Variants in CTNNA2 observed in about 807,000 individuals in gnomAD.
CTNNA2 encodes the protein catenin alpha-2.
In CTNNA2, 42 loss-of-function variants were observed where a neutral mutation model predicts 101.0. The observed-to-expected ratio is 0.42, with a 90% CI of 0.32 to 0.54. The LOEUF (loss-of-function observed/expected upper bound fraction) is 0.54, where lower values mean the gene tolerates loss of function less well. Ranked by LOEUF, CTNNA2 falls within the 20% of genes least tolerant of loss-of-function variation. CTNNA2 has a pLI of 0.14. For missense variants in CTNNA2, 871 were observed against 1,223.1 expected (o/e 0.71, Z 4.29); for synonymous variants, 450 against 456.4 (o/e 0.99, Z 0.18).
chr2:80,639,513 ATGTGTGTGTGTG>A (rs112045877), intron 18 of CTNNA2, among the ~76,000 whole-genome samples: 65 of 147,408 alleles, frequency 4.4e-4, no homozygotes, highest in Non-Finnish European at 7.4e-4. Flanking sequence ...CCCAGCCTTG[ATGTGTGTGTGTG>A]TGTGTGTGTG....
chr2:79,415,171 C>T (rs958941800), intron 4 of CTNNA2, among the ~76,000 whole-genome samples: 2 of 152,052 alleles, frequency 1.3e-5, no homozygotes, highest in Non-Finnish European at 2.9e-5. Flanking sequence ...TCTTGCCATC[C>T]CTTTGGTTAT....
chr2:79,729,416 G>A (rs1218421692), intron 2 of CTNNA2, among the ~76,000 whole-genome samples: 1 of 152,042 alleles, frequency 6.6e-6, no homozygotes, highest in Non-Finnish European at 1.5e-5. Flanking sequence ...GTAAGAAATG[G>A]GAAGTTCCAA....
At chr2:80,041,623 T>C (rs1696062569) in intron 7 of CTNNA2, among the ~76,000 whole-genome samples, 2 of 152,174 alleles carry the variant, frequency 1.3e-5, no homozygotes, top group South Asian at 4.1e-4. Context: ...AATTGTGAAA[T>C]ATTTTTCAGT....
Position 80,562,241 on chromosome 2 carries a change from T to C in CTNNA2, c.1741+6348T>C, listed in dbSNP as rs142244206. Among the ~76,000 whole-genome samples the C allele has an allele frequency of 2.3e-4, 35 of 150,528 alleles. 2 individuals carry two copies. Among genetic ancestry groups the C allele is most frequent in the African/African-American group, 8.5e-4 (35 of 41,370 alleles). ...TACACTGGTGTGTTTGTGAATGATGTGTTCTCCCACAATTCAGACATGGTC... is the reference window on the plus strand; with the variant it reads ...TACACTGGTGTGTTTGTGAATGATGCGTTCTCCCACAATTCAGACATGGTC... On this transcript the variant is annotated intron_variant, in intron 12 of 18. Coordinates refer to ENST00000402739, the MANE Select transcript of CTNNA2 (RefSeq NM_001282597.3).
chr2:80,121,784 C>T (rs1701849917), intron 7 of CTNNA2, among the ~76,000 whole-genome samples: 1 of 152,048 alleles, frequency 6.6e-6, no homozygotes, highest in South Asian at 2.1e-4. Flanking sequence ...TGAATCAACC[C>T]CATAGAAGAT....
intron 3 of CTNNA2, among the ~76,000 whole-genome samples, chr2:79,840,423 G>A (rs1327060013): frequency 6.6e-6 from 1 of 152,116 alleles, no homozygotes; most frequent in Non-Finnish European, 1.5e-5. Flanking sequence ...TTTCAATCAT[G>A]CTAATTTCTT....
At chr2:79,493,171 A>G (rs1160722286) in intron 4 of CTNNA2, among the ~76,000 whole-genome samples, 1 of 152,058 alleles carries the variant, frequency 6.6e-6, no homozygotes, top group African/African-American at 2.4e-5. Flanking sequence ...GGAAATTCTA[A>G]CCAAGACAAA....
intron 1 of CTNNA2, among the ~76,000 whole-genome samples, chr2:79,596,344 C>T (rs13385634): frequency 0.016 from 2,483 of 151,922 alleles, 80 homozygotes; most frequent in East Asian, 0.098. Context: ...AAAAGGAGGG[C>T]ATCAAAGGAA....
At chr2:80,568,792 G>T (rs1411989814) in intron 12 of CTNNA2, among the ~76,000 whole-genome samples, 1 of 152,020 alleles carries the variant, frequency 6.6e-6, no homozygotes, top group African/African-American at 2.4e-5. Context: ...TGTTGCTGTG[G>T]GTCCATTTCA....
Position 80,462,616 on chromosome 2 carries a change from CTTCT to C in CTNNA2, c.1290+43030_1290+43033del, listed in dbSNP as rs200129200. Among the ~76,000 whole-genome samples, 98 of 121,424 alleles carry C rather than the reference CTTCT, an allele frequency of 8.1e-4. 3 individuals are homozygous for C. Among genetic ancestry groups the C allele is most frequent in the African/African-American group, 2.6e-3 (81 of 31,292 alleles). The allele number at this position is 121,424 out of a possible 152,430, so 79.7% of individuals were successfully genotyped here. A position where few individuals can be genotyped will look rare whatever the true frequency, so the allele number is the denominator to read the frequency against. ...TCTCATTTTTCTCTCCCTTCCTTTC[CTTCT>C]TTCTTTCTTTCTTTTTTTTTTTTTT... On this transcript the variant is annotated intron_variant, in intron 9 of 18. Coordinates refer to ENST00000402739, the MANE Select transcript of CTNNA2 (RefSeq NM_001282597.3).
chr2:80,297,522 C>G (rs1036391936), intron 7 of CTNNA2, among the ~76,000 whole-genome samples: 1 of 152,040 alleles, frequency 6.6e-6, no homozygotes, highest in African/African-American at 2.4e-5. Flanking sequence ...AATTGCCAGG[C>G]CCTTCACTTT....
chr2:79,795,527 TATTAA>T (rs540994190), intron 3 of CTNNA2, among the ~76,000 whole-genome samples: 428 of 152,206 alleles, frequency 2.8e-3, no homozygotes, highest in African/African-American at 9.3e-3. Context: ...AAATCAATTG[TATTAA>T]ATTAAATTTC....
At chr2:80,487,539 C>G (rs1190348899) in intron 9 of CTNNA2, among the ~76,000 whole-genome samples, 1 of 152,084 alleles carries the variant, frequency 6.6e-6, no homozygotes, top group African/African-American at 2.4e-5. Context: ...CCTTATAAAA[C>G]CATCAGTCCT....
At chr2:80,414,719 C>T (rs1822726) in intron 8 of CTNNA2, among the ~76,000 whole-genome samples, 152,155 of 152,318 alleles carry the variant, frequency 1, 75,996 homozygotes, top group East Asian at 1. Context: ...ACACAGGGTG[C>T]CTTAACATTT....
At chr2:80,525,041 C>A (rs1331181477) in intron 9 of CTNNA2, among the ~76,000 whole-genome samples, 1 of 151,814 alleles carries the variant, frequency 6.6e-6, no homozygotes, top group Non-Finnish European at 1.5e-5. Flanking sequence ...CATCACTGAG[C>A]AGTATACACT....
At chr2:79,565,698 C>T (rs1675069333) in intron 1 of CTNNA2, among the ~76,000 whole-genome samples, 1 of 152,000 alleles carries the variant, frequency 6.6e-6, no homozygotes, top group African/African-American at 2.4e-5. Context: ...TGAAGTCATA[C>T]AGGAGGAGAA....
chr2:80,547,756 C>T (rs1176173824), intron 11 of CTNNA2, among the ~76,000 whole-genome samples: 2 of 132,934 alleles, frequency 1.5e-5, no homozygotes, highest in African/African-American at 6.0e-5. Context: ...ATGGCGCGAT[C>T]TTGACTCATA....
intron 9 of CTNNA2, among the ~76,000 whole-genome samples, chr2:80,439,721 A>G (rs1682383766): frequency 6.6e-6 from 1 of 152,114 alleles, no homozygotes; most frequent in South Asian, 2.1e-4. Context: ...AGGTATTTTT[A>G]TACGTTTGTA....
At chr2:79,248,230 T>C (rs1438031661) in intron 2 of CTNNA2, among the ~76,000 whole-genome samples, 3 of 152,110 alleles carry the variant, frequency 2.0e-5, no homozygotes, top group Non-Finnish European at 4.4e-5. Flanking sequence ...TCTTGACCGG[T>C]GCTATTCATT....
Sources: gnomAD v4.1 joint callset for allele counts (sites outside exome capture counted in the v4.1 genomes callset) on GRCh38, gnomAD v4.1.1 for gene constraint, MANE v1.5 for transcripts, NCBI Gene and HGNC (gene_info 2026-07-23, HGNC 2026-07-21) for gene names.